Variants in ADAMTS6 observed in about 807,000 individuals in gnomAD.
ADAMTS6 encodes the protein A disintegrin and metalloproteinase with thrombospondin motifs 6.
In ADAMTS6, 23 loss-of-function variants were observed where a neutral mutation model predicts 144.3. The ratio of observed to expected loss-of-function variants is 0.16; its 90% CI spans 0.11 to 0.23. ADAMTS6 has a LOEUF of 0.23. ADAMTS6 is among the 10% of genes least tolerant of loss of function. The pLI is 1.00. For synonymous variants in ADAMTS6, 444 were observed against 457.5 expected (o/e 0.97, Z 0.38); for missense variants, 999 against 1,379.6 (o/e 0.72, Z 4.37).
At chr5:65,339,659 A>C (rs555004738) in intron 7 of ADAMTS6, among the ~76,000 whole-genome samples, 13 of 151,998 alleles carry the variant, frequency 8.6e-5, no homozygotes, top group Non-Finnish European at 1.9e-4. Flanking sequence ...TAAATATGAA[A>C]TAAAAAATAG....
intron 14 of ADAMTS6, among the ~76,000 whole-genome samples, chr5:65,249,184 G>A (rs1057244370): frequency 2.0e-5 from 3 of 152,162 alleles, no homozygotes; most frequent in Admixed American, 1.3e-4. Context: ...GTGCCAGGGA[G>A]AGGCCATTTC....
chr5:65,256,650 T>C (rs1760683825), intron 14 of ADAMTS6: 2 of 152,174 alleles, frequency 1.3e-5, no homozygotes, highest in South Asian at 4.1e-4. Flanking sequence ...AACTCATGAA[T>C]AAAATGCAAC....
At chr5:65,298,414 C>T (rs369510702) in intron 10 of ADAMTS6, among the ~76,000 whole-genome samples, 15 of 152,240 alleles carry the variant, frequency 9.9e-5, no homozygotes, top group African/African-American at 3.6e-4. Context: ...CATTAAGACT[C>T]CATTATAAAA....
At chr5:65,356,643 A>G (rs1253158172) in intron 7 of ADAMTS6, among the ~76,000 whole-genome samples, 2 of 151,826 alleles carry the variant, frequency 1.3e-5, no homozygotes, top group African/African-American at 4.8e-5. Flanking sequence ...ATGCATTATC[A>G]TTACTGCCAA....
intron 7 of ADAMTS6, among the ~76,000 whole-genome samples, chr5:65,348,752 G>A (rs1373382436): frequency 6.6e-6 from 1 of 151,426 alleles, no homozygotes; most frequent in Non-Finnish European, 1.5e-5. Flanking sequence ...ACATAACATT[G>A]TACGCCATAA....
At chr5:65,386,230 T>A (rs1374623627) in intron 7 of ADAMTS6, among the ~76,000 whole-genome samples, 1 of 152,198 alleles carries the variant, frequency 6.6e-6, no homozygotes, top group Non-Finnish European at 1.5e-5. Context: ...TTTCTTTTTT[T>A]AAAAAATGTT....
chr5:65,362,999 T>A (rs952024930), intron 7 of ADAMTS6, among the ~76,000 whole-genome samples: 5 of 152,166 alleles, frequency 3.3e-5, no homozygotes, highest in African/African-American at 1.2e-4. Context: ...AATTAGCATT[T>A]TTCCAAGGTA....
chr5:65,432,272 ACT>A (rs1757054508), intron 7 of ADAMTS6, among the ~76,000 whole-genome samples: 1 of 151,874 alleles, frequency 6.6e-6, no homozygotes, highest in Non-Finnish European at 1.5e-5. Flanking sequence ...TGGAGTTTTC[ACT>A]CTCTTTATTC....
In ADAMTS6 at chr5:65,388,336, C is replaced by T. The variant is rs562682780; in HGVS notation, c.1074-54251G>A. On this transcript the variant is annotated intron_variant, in intron 7 of 24. Coordinates refer to ENST00000381055, the MANE Select transcript of ADAMTS6 (RefSeq NM_197941.4). ...AGTCCACTGCATCTGATGTATGCAGCGGATGAAGTTGTAACACTGAAACTT... is the reference window on the plus strand; with the variant it reads ...AGTCCACTGCATCTGATGTATGCAGTGGATGAAGTTGTAACACTGAAACTT... Among the ~76,000 whole-genome samples, 21 of 152,246 alleles carry T rather than the reference C, an allele frequency of 1.4e-4. 1 individual carries two copies. The highest frequency in any genetic ancestry group is 1.2e-3 in the Admixed American group (18 of 15,298).
chr5:65,454,224 C>G (rs1438152746), intron 4 of ADAMTS6, among the ~76,000 whole-genome samples: 2 of 152,214 alleles, frequency 1.3e-5, no homozygotes, highest in Admixed American at 1.3e-4. Context: ...GAACCATATG[C>G]TAAGTAAACT....
At chr5:65,406,678 A>G (rs1277090038) in intron 7 of ADAMTS6, among the ~76,000 whole-genome samples, 2 of 151,940 alleles carry the variant, frequency 1.3e-5, no homozygotes, top group Admixed American at 1.3e-4. Flanking sequence ...AGTTGGGAGG[A>G]TTGCTTCTTT....
At chr5:65,228,669 G>A (rs1291600589) in intron 15 of ADAMTS6, among the ~76,000 whole-genome samples, 1 of 152,108 alleles carries the variant, frequency 6.6e-6, no homozygotes, top group South Asian at 2.1e-4. Flanking sequence ...CTCCCTCAAG[G>A]CAGCACAGCT....
At chr5:65,398,912 A>C (rs1753681072) in intron 7 of ADAMTS6, among the ~76,000 whole-genome samples, 1 of 152,228 alleles carries the variant, frequency 6.6e-6, no homozygotes, top group East Asian at 1.9e-4. Context: ...TGTTTTGCTT[A>C]GGACTGGCAT....
chr5:65,443,894 T>G (rs1383668376), intron 7 of ADAMTS6, among the ~76,000 whole-genome samples: 11 of 152,150 alleles, frequency 7.2e-5, no homozygotes, highest in Non-Finnish European at 1.6e-4. Context: ...GACGGAATTC[T>G]TTCCTTGCTG....
intron 11 of ADAMTS6, among the ~76,000 whole-genome samples, chr5:65,286,249 G>C (rs1215823223): frequency 6.6e-6 from 1 of 152,106 alleles, no homozygotes; most frequent in Non-Finnish European, 1.5e-5. Context: ...CCAAAACTGA[G>C]TAAAATCTAT....
At chr5:65,296,803 G>A (rs1742882921) in intron 10 of ADAMTS6, among the ~76,000 whole-genome samples, 1 of 152,174 alleles carries the variant, frequency 6.6e-6, no homozygotes, top group Admixed American at 6.5e-5. Flanking sequence ...ATTTGGAACT[G>A]TAGGAAATTT....
chr5:65,319,536 T>C (rs1191218063), intron 9 of ADAMTS6, among the ~76,000 whole-genome samples: 1 of 148,464 alleles, frequency 6.7e-6, no homozygotes, highest in African/African-American at 2.5e-5. Context: ...AAAAAATTTA[T>C]ATATATATGC....
At chr5:65,350,194 A>G (rs914591943) in intron 7 of ADAMTS6, among the ~76,000 whole-genome samples, 3 of 152,214 alleles carry the variant, frequency 2.0e-5, no homozygotes, top group Non-Finnish European at 4.4e-5. Flanking sequence ...CTATTCTAAC[A>G]TTCTCAGTGT....
intron 9 of ADAMTS6, among the ~76,000 whole-genome samples, chr5:65,328,672 T>C (rs1252912822): frequency 6.6e-6 from 1 of 150,692 alleles, no homozygotes; most frequent in African/African-American, 2.5e-5. Context: ...AATGTTGAAA[T>C]TTTAAAAAAA....
Sources: allele counts gnomAD v4.1 joint callset (sites outside exome capture counted in the v4.1 genomes callset), GRCh38; gene constraint gnomAD v4.1.1; transcripts MANE v1.5; gene names NCBI Gene and HGNC (gene_info 2026-07-23, HGNC 2026-07-21).